The following VLDLR variants were observed in gnomAD, a reference collection of about 807,000 sequenced individuals.
The protein encoded by VLDLR is very low density lipoprotein receptor.
Under a neutral mutation model 112.7 loss-of-function variants are expected in VLDLR, and 81 were observed. The ratio of observed to expected loss-of-function variants is 0.72; its 90% CI spans 0.60 to 0.86. The LOEUF (loss-of-function observed/expected upper bound fraction) is 0.86. VLDLR is among the 40% of genes least tolerant of loss of function. VLDLR has a pLI of 0.00. For missense variants in VLDLR, 1,237 were observed against 1,099.4 expected (o/e 1.13, Z -1.77); for synonymous variants, 436 against 384.8 (o/e 1.13, Z -1.56).
At chr9:2,643,113 G>A (rs1242366513) in intron 4 of VLDLR, 47 bp from the exon 5 acceptor site, 20 of 1,600,574 alleles carry the variant, frequency 1.2e-5, no homozygotes, top group East Asian at 8.9e-5. Context: ...AATCTTGAAC[G>A]GACCAATCTT....
chr9:2,622,475 T>G (rs1244788418), intron 1 of VLDLR: 3 of 470,698 alleles, frequency 6.4e-6, no homozygotes, highest in Non-Finnish European at 1.1e-5. Context: ...AACAGCGGGG[T>G]TCGGGGTGCC....
intron 1 of VLDLR, among the ~76,000 whole-genome samples, chr9:2,625,456 G>C (rs867894622): frequency 2.6e-5 from 4 of 152,188 alleles, no homozygotes; most frequent in Admixed American, 1.3e-4. Flanking sequence ...AAGTGTTTAA[G>C]ACAAGGCAGT....
intron 1 of VLDLR, among the ~76,000 whole-genome samples, chr9:2,627,864 C>CAAAA (rs544070052): frequency 9.6e-6 from 1 of 104,410 alleles, no homozygotes; most frequent in East Asian, 2.7e-4. Flanking sequence ...GAATCCATCT[C>CAAAA]AAAAAAAAAA....
Position 2,650,451 on chromosome 9 carries a change from C to G in VLDLR, c.2186C>G (p.Ser729Cys), listed in dbSNP as rs754854045. Residue 729 changes from serine to cysteine, a missense_variant, in exon 15 of 19, where the codon TCT (serine) becomes TGT (cysteine). Transcript: ENST00000382100. ...CLPAPQINDHSPKYTCSCPSG... is the reference protein window; with the variant it reads ...CLPAPQINDHCPKYTCSCPSG... ...CCAGCACCACAGATTAATGATCACT[C>G]TCCAAAATATACCTGTTCCTGTCCC... 2 of 1,614,126 alleles carry G rather than the reference C, an allele frequency of 1.2e-6. No individual in the cohort carries two copies. Among genetic ancestry groups the G allele is most frequent in the African/African-American group, 1.3e-5 (1 of 75,036 alleles).
intron 14 of VLDLR, among the ~76,000 whole-genome samples, 156 bp from the exon 15 acceptor site, chr9:2,650,214 A>C (rs1192890437): frequency 6.6e-6 from 1 of 152,104 alleles, no homozygotes; most frequent in Non-Finnish European, 1.5e-5. Flanking sequence ...CTGTATACTT[A>C]TTCTTCCTTG....
intron 10 of VLDLR, 138 bp downstream of exon 10, chr9:2,645,883 G>C: frequency 1.1e-6 from 1 of 935,868 alleles, no homozygotes; most frequent in Non-Finnish European, 1.6e-6. Flanking sequence ...TAAATCTAAT[G>C]CTAATTCTTT....
intron 2 of VLDLR, among the ~76,000 whole-genome samples, chr9:2,638,479 T>C (rs1264182818): frequency 1.3e-5 from 2 of 152,204 alleles, no homozygotes; most frequent in East Asian, 1.9e-4. Flanking sequence ...TATAGAGGAA[T>C]GTTTTAAAAT....
intron 7 of VLDLR, 86 bp downstream of exon 7, chr9:2,644,045 C>T (rs10967322): frequency 1.3e-6 from 2 of 1,593,062 alleles, no homozygotes; most frequent in Admixed American, 1.7e-5. Context: ...CCCGTGATGG[C>T]TAGTTAAACT....
At chr9:2,648,546 C>T (rs1818170903) in intron 13 of VLDLR, 123 bp from the exon 14 acceptor site, 3 of 1,536,626 alleles carry the variant, frequency 2.0e-6, no homozygotes, top group African/African-American at 2.7e-5. Context: ...AGTTTTATAT[C>T]CAGTGTCCCA....
rs1190320095 is a variant in VLDLR, at chr9:2,659,455, C to T, written c.*5587C>T. On this transcript the variant is annotated 3_prime_UTR_variant, in exon 19 of 19. Coordinates refer to ENST00000382100, the MANE Select transcript of VLDLR (RefSeq NM_003383.5). The stretch of plus-strand genomic sequence containing the variant: ...CAGATTAACTCAGTTACGTGTTATA[C>T]CTTCAAGACGCTAGACATTCCAGAA... The T allele has an allele frequency of 1.3e-5, 2 of 152,226 alleles. No individual in the cohort carries two copies. Among genetic ancestry groups the T allele is most frequent in the African/African-American group, 2.4e-5 (1 of 41,464 alleles). 9.4% of individuals were successfully genotyped at this position (152,226 alleles called of 1,614,324 possible). A position where few individuals can be genotyped will look rare whatever the true frequency, so the allele number is the denominator to read the frequency against.
intron 1 of VLDLR, 78 bp downstream of exon 1, chr9:2,622,349 T>A: frequency 7.8e-7 from 1 of 1,280,288 alleles, no homozygotes; most frequent in Non-Finnish European, 1.0e-6. Flanking sequence ...TAGGTCTCCG[T>A]TTGCCCACCC....
rs35624077 is a variant in VLDLR at position 2,656,942 on chromosome 9, C to CAAAAAAAAA, written c.*3094_*3102dup. 1 of 67,132 alleles carries CAAAAAAAAA rather than the reference C, an allele frequency of 1.5e-5. No individual in the cohort carries two copies. Among genetic ancestry groups the CAAAAAAAAA allele is most frequent in the Non-Finnish European group, 2.9e-5 (1 of 34,738 alleles). The allele number at this position is 67,132 out of a possible 1,614,324, so 4.2% of individuals were successfully genotyped here. The stretch of plus-strand genomic sequence containing the variant: ...TCTTTAGTTCTTGATGAATACAAGG[C>CAAAAAAAAA]AAAAAAAAAAAAAAAAAAAAAAAAA... On this transcript the variant is annotated 3_prime_UTR_variant, in exon 19 of 19. Coordinates refer to ENST00000382100, the MANE Select transcript of VLDLR (RefSeq NM_003383.5).
intron 14 of VLDLR, 39 bp from the exon 15 acceptor site, chr9:2,650,331 C>T (rs200240182): frequency 2.9e-5 from 47 of 1,612,516 alleles, no homozygotes; most frequent in African/African-American, 5.3e-5. Context: ...TACTAGGCAC[C>T]GGAATACCCA....
At chr9:2,651,834 T>A in intron 16 of VLDLR, 40 bp from the exon 17 acceptor site, 1 of 1,611,510 alleles carries the variant, frequency 6.2e-7, no homozygotes, top group Non-Finnish European at 8.5e-7. Context: ...TAAGTCTGAA[T>A]ACAGATCCTT....
Position 2,655,986 on chromosome 9 carries a change from C to A in VLDLR, c.*2118C>A, listed in dbSNP as rs895355530. The A allele has an allele frequency of 7.9e-5, 12 of 151,912 alleles. No individual in the cohort carries two copies. The highest frequency in any genetic ancestry group is 6.2e-4 in the South Asian group (3 of 4,802). 9.4% of individuals were successfully genotyped at this position (151,912 alleles called of 1,614,324 possible). A position where few individuals can be genotyped will look rare whatever the true frequency, so the allele number is the denominator to read the frequency against. On this transcript the variant is annotated 3_prime_UTR_variant, in exon 19 of 19. Transcript: ENST00000382100. The stretch of plus-strand genomic sequence containing the variant: ...TTTTAACTGGAGTAATACCAAATTC[C>A]CTTTAGAAGCTTGAAGTTTGATACT...
chr9:2,645,170 A>G, intron 9 of VLDLR, 88 bp downstream of exon 9: 1 of 1,591,942 alleles, frequency 6.3e-7, no homozygotes, highest in Non-Finnish European at 8.6e-7. Flanking sequence ...TAGTCAAACT[A>G]AACATGAAAT....
chr9:2,637,745 C>G (rs954408339), intron 2 of VLDLR, among the ~76,000 whole-genome samples: 2 of 152,082 alleles, frequency 1.3e-5, no homozygotes, highest in African/African-American at 4.8e-5. Context: ...ATCGAGACCA[C>G]CCTGGCTAAC....
intron 14 of VLDLR, 102 bp from the exon 15 acceptor site, chr9:2,650,268 G>T: frequency 6.8e-7 from 1 of 1,469,002 alleles, no homozygotes; most frequent in African/African-American, 1.4e-5. Context: ...ACAAGTTTAA[G>T]CTCTTGGGGG....
intron 2 of VLDLR, among the ~76,000 whole-genome samples, chr9:2,637,016 A>G (rs1405806055): frequency 6.6e-6 from 1 of 152,372 alleles, no homozygotes; most frequent in Non-Finnish European, 1.5e-5. Context: ...TCTACTAGCC[A>G]CATGGTAGGA....
Sources: allele counts gnomAD v4.1 joint callset (sites outside exome capture counted in the v4.1 genomes callset), GRCh38; gene constraint gnomAD v4.1.1; transcripts MANE v1.5; gene names NCBI Gene and HGNC (gene_info 2026-07-23, HGNC 2026-07-21).